The following ATXN1 variants were observed in gnomAD, a reference collection of about 807,000 sequenced individuals.
ATXN1 encodes ataxin-1.
Under a neutral mutation model 56.4 loss-of-function variants are expected in ATXN1, and 8 were observed. That is an observed-to-expected ratio of 0.14 (90% CI 0.08 to 0.26). The LOEUF is 0.26. Ranked by LOEUF, ATXN1 falls within the 10% of genes least tolerant of loss-of-function variation. The pLI is 1.00. For missense variants in ATXN1, 987 were observed against 1,106.5 expected, an observed-to-expected ratio of 0.89 and a Z score of 1.53; for synonymous variants, 514 against 494.6, an observed-to-expected ratio of 1.04 and a Z score of -0.52.
chr6:16,596,355 C>G (rs1762814015), intron 3 of ATXN1, among the ~76,000 whole-genome samples: 1 of 152,098 alleles, frequency 6.6e-6, no homozygotes, highest in Admixed American at 6.6e-5. Context: ...ATTTGCATAT[C>G]TAAAATCGGG....
At chr6:16,712,517 C>T (rs1581386712) in intron 2 of ATXN1, among the ~76,000 whole-genome samples, 1 of 152,068 alleles carries the variant, frequency 6.6e-6, no homozygotes, top group Non-Finnish European at 1.5e-5. Context: ...GTGAACTGAA[C>T]GCAAGAAGTA....
chr6:16,673,591 G>C (rs1451326750), intron 2 of ATXN1, among the ~76,000 whole-genome samples: 1 of 152,198 alleles, frequency 6.6e-6, no homozygotes, highest in Admixed American at 6.5e-5. Context: ...GGTTGAGGCA[G>C]AGGACTGTTT....
intron 3 of ATXN1, among the ~76,000 whole-genome samples, chr6:16,591,498 A>G (rs965902782): frequency 9.2e-5 from 14 of 152,196 alleles, no homozygotes; most frequent in African/African-American, 2.9e-4. Flanking sequence ...ATGGAATCTT[A>G]GTAATATAAG....
intron 6 of ATXN1, among the ~76,000 whole-genome samples, chr6:16,332,429 G>T (rs1761014178): frequency 6.6e-6 from 1 of 152,110 alleles, no homozygotes; most frequent in Admixed American, 6.5e-5. Context: ...GAAGAAAAAA[G>T]AAAAAAGGAG....
At chr6:16,436,388 T>A (rs550926393) in intron 6 of ATXN1, among the ~76,000 whole-genome samples, 4 of 152,232 alleles carry the variant, frequency 2.6e-5, no homozygotes, top group African/African-American at 9.6e-5. Flanking sequence ...CCTATCCTCA[T>A]GGAAATAAAA....
chr6:16,710,333 G>T (rs74661942), intron 2 of ATXN1, among the ~76,000 whole-genome samples: 2 of 152,256 alleles, frequency 1.3e-5, no homozygotes, highest in African/African-American at 4.8e-5. Context: ...CCGTGTTTTT[G>T]AATTGAAGTT....
intron 1 of ATXN1, among the ~76,000 whole-genome samples, chr6:16,759,547 T>G (rs567564403): frequency 2.0e-5 from 3 of 148,262 alleles, no homozygotes; most frequent in South Asian, 2.2e-4. Flanking sequence ...TTTTTTTTTT[T>G]TTTTTTTTTT....
chr6:16,584,118 A>G (rs1339378130), intron 4 of ATXN1, among the ~76,000 whole-genome samples: 1 of 151,494 alleles, frequency 6.6e-6, no homozygotes, highest in Non-Finnish European at 1.5e-5. Context: ...AAAACAGCAG[A>G]GCTGGAATTT....
At position 16,358,875 on chromosome 6, in the gene ATXN1, A is replaced by G. The variant is rs964256077; in HGVS notation, c.-160-30405T>C. 9.2e-5 allele frequency among the ~76,000 whole-genome samples: 14 copies of G among 152,342 alleles called. No individual in the cohort carries two copies. In the East Asian group the frequency reaches 1.5e-3, roughly 17 times the overall value. ...CTGCAGCTGCCGCACCCACGGCTGCAGACCTGGGCCTCCCATTCCAGGAAG... is the reference window on the plus strand; with the variant it reads ...CTGCAGCTGCCGCACCCACGGCTGCGGACCTGGGCCTCCCATTCCAGGAAG... On this transcript the variant is annotated intron_variant, in intron 6 of 7. Coordinates refer to ENST00000436367, the MANE Select transcript of ATXN1 (RefSeq NM_001128164.2).
At chr6:16,732,787 T>C (rs1174001424) in intron 2 of ATXN1, among the ~76,000 whole-genome samples, 1 of 152,248 alleles carries the variant, frequency 6.6e-6, no homozygotes, top group Non-Finnish European at 1.5e-5. Flanking sequence ...TTAAGTACTT[T>C]TATGTTTGAC....
intron 6 of ATXN1, among the ~76,000 whole-genome samples, chr6:16,418,739 C>G (rs1428947130): frequency 1.5e-5 from 2 of 131,444 alleles, no homozygotes; most frequent in South Asian, 5.4e-4. Flanking sequence ...CAACAGTCCC[C>G]AGAGTGTGAT....
intron 3 of ATXN1, among the ~76,000 whole-genome samples, chr6:16,657,054 G>A (rs1048007006): frequency 1.4e-5 from 2 of 147,998 alleles, no homozygotes; most frequent in Admixed American, 1.4e-4. Flanking sequence ...TGCAATCTCG[G>A]CTCACTGCAA....
chr6:16,645,548 T>G (rs1763785949), intron 3 of ATXN1, among the ~76,000 whole-genome samples: 1 of 151,830 alleles, frequency 6.6e-6, no homozygotes, highest in African/African-American at 2.4e-5. Context: ...GAGGGAGGGG[T>G]GGTGGCCGAC....
intron 6 of ATXN1, among the ~76,000 whole-genome samples, chr6:16,412,535 C>A (rs191263047): frequency 6.6e-6 from 1 of 152,184 alleles, no homozygotes. Flanking sequence ...ATTCTATCCA[C>A]GGCAACAGCG....
chr6:16,336,618 T>G (rs1390600492), intron 6 of ATXN1, among the ~76,000 whole-genome samples: 1 of 152,156 alleles, frequency 6.6e-6, no homozygotes, highest in Non-Finnish European at 1.5e-5. Context: ...CTAACATGCT[T>G]TTGAAACAAG....
At chr6:16,687,977 G>A (rs1176865796) in intron 2 of ATXN1, among the ~76,000 whole-genome samples, 1 of 152,140 alleles carries the variant, frequency 6.6e-6, no homozygotes, top group African/African-American at 2.4e-5. Context: ...TTCTACCTGT[G>A]AAGGTATGGG....
At chr6:16,331,904 A>T (rs1358075228) in intron 6 of ATXN1, among the ~76,000 whole-genome samples, 1 of 152,250 alleles carries the variant, frequency 6.6e-6, no homozygotes, top group African/African-American at 2.4e-5. Flanking sequence ...TATTTGAGAG[A>T]CATCGGCTTA....
intron 4 of ATXN1, among the ~76,000 whole-genome samples, chr6:16,558,617 C>G (rs550706472): frequency 6.6e-6 from 1 of 152,138 alleles, no homozygotes; most frequent in Non-Finnish European, 1.5e-5. Flanking sequence ...GTGATGCTCT[C>G]GCCTTGGCCT....
chr6:16,653,807 G>T (rs1397277605), intron 3 of ATXN1, among the ~76,000 whole-genome samples: 1 of 152,194 alleles, frequency 6.6e-6, no homozygotes, highest in African/African-American at 2.4e-5. Context: ...ACTGAAGAGG[G>T]AATGCAACCC....
Sources: allele counts gnomAD v4.1 joint callset (sites outside exome capture counted in the v4.1 genomes callset), GRCh38; gene constraint gnomAD v4.1.1; transcripts MANE v1.5; gene names NCBI Gene and HGNC (gene_info 2026-07-23, HGNC 2026-07-21).